Variants in TENM1 observed in about 807,000 individuals in gnomAD.
The protein encoded by TENM1 is teneurin transmembrane protein 1.
TENM1 carries 35 observed loss-of-function variants against 174.8 expected under a neutral mutation model. The ratio of observed to expected loss-of-function variants is 0.20; its 90% CI spans 0.15 to 0.27. TENM1 has a LOEUF of 0.27. Among genes scored for constraint, TENM1 ranks in the 10% least tolerant of loss-of-function variants. TENM1 has a pLI of 1.00. For missense variants in TENM1, 1,633 were observed against 2,130.1 expected (o/e 0.77, Z 4.59); for synonymous variants, 781 against 798.7 (o/e 0.98, Z 0.37).
intron 1 of TENM1, among the ~76,000 whole-genome samples, chrX:124,954,482 G>A (rs2058540648): frequency 9.0e-6 from 1 of 111,666 alleles, no homozygotes; most frequent in Non-Finnish European, 1.9e-5. Flanking sequence ...TTTATATGAA[G>A]GGATGTGTTG....
chrX:124,568,920 T>C (rs955425696), intron 11 of TENM1, among the ~76,000 whole-genome samples: 1 of 111,740 alleles, frequency 8.9e-6, no homozygotes. Context: ...ATTTCTAACA[T>C]TGGCCAGGCA....
At chrX:124,878,939 AT>A (rs758014955) in intron 3 of TENM1, among the ~76,000 whole-genome samples, 1 of 111,760 alleles carries the variant, frequency 8.9e-6, no homozygotes, top group East Asian at 2.8e-4. Flanking sequence ...CTTGATTAAT[AT>A]TTTTATAGCT....
chrX:125,105,334 C>G, the TENM1 span, among the ~76,000 whole-genome samples: 3 of 111,144 alleles, frequency 2.7e-5, no homozygotes, highest in African/African-American at 9.8e-5. Flanking sequence ...AGATTTCTAT[C>G]TAGCTCACTT....
At chrX:124,806,062 A>T (rs2055588885) in intron 3 of TENM1, among the ~76,000 whole-genome samples, 1 of 112,002 alleles carries the variant, frequency 8.9e-6, no homozygotes, top group African/African-American at 3.2e-5. Context: ...AAATACAGAT[A>T]AATAATTAAA....
chrX:124,741,757 T>C (rs2053804724), intron 3 of TENM1, among the ~76,000 whole-genome samples: 1 of 111,921 alleles, frequency 8.9e-6, no homozygotes, highest in South Asian at 3.7e-4. Flanking sequence ...CCTATCCACA[T>C]GTGGTGAGCT....
At chrX:124,573,576 A>G (rs2049103256) in intron 11 of TENM1, among the ~76,000 whole-genome samples, 1 of 112,008 alleles carries the variant, frequency 8.9e-6, no homozygotes, top group Non-Finnish European at 1.9e-5. Context: ...AACTGGAGAT[A>G]TTACTTAACC....
At chrX:124,787,182 T>C (rs2055059004) in intron 3 of TENM1, among the ~76,000 whole-genome samples, 1 of 111,798 alleles carries the variant, frequency 8.9e-6, no homozygotes, top group Non-Finnish European at 1.9e-5. Context: ...CAGAGGCATA[T>C]TAATTGGAAC....
At chrX:124,896,139 A>C in exon 2 of TENM1, 2 of 1,211,582 alleles carry the variant, frequency 1.7e-6, no homozygotes, top group Non-Finnish European at 2.2e-6. Flanking sequence ...CTCTGTGTCC[A>C]CATCAGATCC....
intron 11 of TENM1, among the ~76,000 whole-genome samples, chrX:124,580,533 CAG>C (rs2049279913): frequency 1.8e-5 from 2 of 108,926 alleles, no homozygotes; most frequent in African/African-American, 6.7e-5. Flanking sequence ...CACATACACA[CAG>C]AGTTAGGGAA....
At chrX:125,005,558 T>C in the TENM1 span, among the ~76,000 whole-genome samples, 1 of 109,912 alleles carries the variant, frequency 9.1e-6, no homozygotes, top group Non-Finnish European at 1.9e-5. Context: ...GGAAAAATAA[T>C]GCAATATTCC....
At chrX:125,178,666 G>T in the TENM1 span, among the ~76,000 whole-genome samples, 2 of 111,900 alleles carry the variant, frequency 1.8e-5, no homozygotes, top group Non-Finnish European at 3.8e-5. Context: ...GTAACGTAGA[G>T]AAAGCTAGGT....
the TENM1 span, among the ~76,000 whole-genome samples, chrX:125,185,645 T>C: frequency 1.8e-5 from 2 of 112,388 alleles, no homozygotes; most frequent in East Asian, 5.6e-4. Context: ...GCACATACCT[T>C]GATAGGTCCA....
Position 124,951,136 on chromosome X carries a change from A to T in TENM1, c.217+12401T>A, listed in dbSNP as rs189932773. Among the ~76,000 whole-genome samples the T allele has an allele frequency of 4.0e-3, 449 of 112,062 alleles. 5 individuals are homozygous for T. Among genetic ancestry groups the T allele is most frequent in the African/African-American group, 0.014 (421 of 30,944 alleles). On this transcript the variant is annotated intron_variant, in intron 1 of 31. Coordinates refer to ENST00000422452, the Ensembl canonical transcript of TENM1. ...TCAAATATACATTTTGAATCATCTT[A>T]TTAGTACAGTGCAGCCACAATTAAT...
chrX:124,768,863 C>T (rs1182213684), intron 3 of TENM1, among the ~76,000 whole-genome samples: 1 of 112,297 alleles, frequency 8.9e-6, no homozygotes, highest in Non-Finnish European at 1.9e-5. Flanking sequence ...TTGCAAGAAT[C>T]TAAATGTTGT....
At chrX:124,858,735 C>A (rs748420984) in intron 3 of TENM1, among the ~76,000 whole-genome samples, 4 of 111,373 alleles carry the variant, frequency 3.6e-5, no homozygotes, top group African/African-American at 1.3e-4. Flanking sequence ...CCTAAAAGGT[C>A]TCACAAAATG....
chrX:124,876,243 A>T (rs191646505), intron 3 of TENM1, among the ~76,000 whole-genome samples: 59 of 111,885 alleles, frequency 5.3e-4, no homozygotes, highest in African/African-American at 1.9e-3. Flanking sequence ...CACATTTGTT[A>T]AATAAAATGT....
At chrX:124,750,408 T>C (rs1233653041) in intron 3 of TENM1, among the ~76,000 whole-genome samples, 2 of 111,883 alleles carry the variant, frequency 1.8e-5, no homozygotes, top group Non-Finnish European at 3.8e-5. Context: ...GTAAATTTTA[T>C]TGGTGCCATG....
chrX:124,386,198 G>A, intron 28 of TENM1, 134 bp from the exon 32 acceptor site: 1 of 549,900 alleles, frequency 1.8e-6, no homozygotes, highest in Non-Finnish European at 2.9e-6. Flanking sequence ...GCAAACCCTA[G>A]TGGATACAGT....
At chrX:124,894,092 ACCT>A (rs2057520065) in intron 3 of TENM1, among the ~76,000 whole-genome samples, 1 of 110,857 alleles carries the variant, frequency 9.0e-6, no homozygotes, top group Non-Finnish European at 1.9e-5. Flanking sequence ...CTCCCCCTTC[ACCT>A]CCTCTTCACC....
Sources: gnomAD v4.1 joint callset for allele counts (sites outside exome capture counted in the v4.1 genomes callset) on GRCh38, gnomAD v4.1.1 for gene constraint, MANE v1.5 for transcripts, NCBI Gene and HGNC (gene_info 2026-07-23, HGNC 2026-07-21) for gene names.